LRRC3B: variants seen among roughly 807,000 people sequenced by gnomAD.
LRRC3B encodes leucine rich repeat containing 3B, also known as leucine-rich repeat-containing protein 3B.
A neutral mutation model predicts 12.8 loss-of-function variants in LRRC3B; 2 were observed. The ratio of observed to expected loss-of-function variants is 0.16; its 90% CI spans 0.06 to 0.49. LRRC3B has a LOEUF of 0.49. Among genes scored for constraint, LRRC3B ranks in the 20% least tolerant of loss-of-function variants. The probability of loss-of-function intolerance (pLI) is 0.96; values close to 1 mark genes in which losing one functional copy is unlikely to be tolerated. For missense variants in LRRC3B, 189 were observed against 319.4 expected, an observed-to-expected ratio of 0.59 and a Z score of 3.11; for synonymous variants, 132 against 122.0, an observed-to-expected ratio of 1.08 and a Z score of -0.54.
intron 1 of LRRC3B, among the ~76,000 whole-genome samples, chr3:26,671,726 C>G (rs981188564): frequency 6.6e-6 from 1 of 152,058 alleles, no homozygotes; most frequent in African/African-American, 2.4e-5. Flanking sequence ...GTGATCAACA[C>G]TAGCTCTTTT....
chr3:26,687,716 A>T (rs1348631123), intron 1 of LRRC3B, among the ~76,000 whole-genome samples: 3 of 152,204 alleles, frequency 2.0e-5, no homozygotes, highest in Non-Finnish European at 2.9e-5. Flanking sequence ...CAAGTGGTAG[A>T]ATCGATTCAT....
rs541301985 is a variant in LRRC3B at position 26,628,056 on chromosome 3, C to T, written c.-161+4819C>T. 5.9e-5 allele frequency among the ~76,000 whole-genome samples: 9 copies of T among 152,118 alleles called. No individual in the cohort carries two copies. In the South Asian group the frequency reaches 1.7e-3, roughly 28 times the overall value. ...CTCATCTTACTTATGTGGTCCAATC[C>T]CCTCTACTTATTTTACTGTGGCTGC... is the stretch of plus-strand genomic sequence containing the variant. On this transcript the variant is annotated intron_variant, in intron 1 of 1. Transcript: ENST00000396641.
chr3:26,693,036 A>G (rs1700223890), intron 1 of LRRC3B, among the ~76,000 whole-genome samples: 1 of 152,188 alleles, frequency 6.6e-6, no homozygotes, highest in African/African-American at 2.4e-5. Context: ...GCAGGGTTCT[A>G]AGATCAAGAG....
intron 1 of LRRC3B, among the ~76,000 whole-genome samples, chr3:26,689,131 C>G (rs546430442): frequency 1.3e-5 from 2 of 152,290 alleles, no homozygotes; most frequent in East Asian, 1.9e-4. Context: ...CTTATAGACT[C>G]TCAGACACTC....
intron 1 of LRRC3B, among the ~76,000 whole-genome samples, chr3:26,627,204 G>A (rs915192417): frequency 6.6e-6 from 1 of 152,168 alleles, no homozygotes; most frequent in African/African-American, 2.4e-5. Flanking sequence ...CAAAGTTCTA[G>A]TTTCCAAGAA....
chr3:26,659,198 G>A (rs540960644), intron 1 of LRRC3B, among the ~76,000 whole-genome samples: 38 of 152,204 alleles, frequency 2.5e-4, no homozygotes, highest in African/African-American at 8.2e-4. Flanking sequence ...TACTATTATT[G>A]TCTTCACTGA....
At chr3:26,645,933 G>C (rs1699134213) in intron 1 of LRRC3B, among the ~76,000 whole-genome samples, 1 of 152,098 alleles carries the variant, frequency 6.6e-6, no homozygotes, top group Admixed American at 6.6e-5. Flanking sequence ...CAAGGTCAAA[G>C]GCCTTCTGAA....
At position 26,657,766 on chromosome 3, in the gene LRRC3B, C is replaced by A. The variant is rs562663281; in HGVS notation, c.-161+34529C>A. ...CTGCATTTGACAGAGGGATGATTGT[C>A]TGGCTTGGCTTTTCATTCATTTCTG... On this transcript the variant is annotated intron_variant, in intron 1 of 1. Coordinates refer to ENST00000396641, the Ensembl canonical transcript of LRRC3B. 3.9e-5 allele frequency among the ~76,000 whole-genome samples: 6 copies of A among 152,114 alleles called. No individual in the cohort carries two copies. The South Asian group carries it at 1.2e-3, about 32-fold the overall frequency.
At chr3:26,688,096 A>C (rs558559359) in intron 1 of LRRC3B, among the ~76,000 whole-genome samples, 37 of 152,340 alleles carry the variant, frequency 2.4e-4, no homozygotes, top group Middle Eastern at 3.4e-3. Flanking sequence ...TGGAAGTTTT[A>C]TAATAACAGA....
chr3:26,639,702 T>C (rs1474009376), intron 1 of LRRC3B, among the ~76,000 whole-genome samples: 2 of 152,192 alleles, frequency 1.3e-5, no homozygotes, highest in Admixed American at 6.5e-5. Context: ...AGAAGCACCG[T>C]GTGGGCTTTA....
intron 1 of LRRC3B, among the ~76,000 whole-genome samples, chr3:26,693,529 C>A (rs1236918754): frequency 6.6e-6 from 1 of 151,976 alleles, no homozygotes; most frequent in African/African-American, 2.4e-5. Context: ...TTGCAAAAGA[C>A]CATGGATAAT....
chr3:26,690,821 A>T (rs2125448943), intron 1 of LRRC3B, among the ~76,000 whole-genome samples: 1 of 152,166 alleles, frequency 6.6e-6, no homozygotes, highest in South Asian at 2.1e-4. Context: ...TTGGTTTAAA[A>T]GGGTTGCCTA....
chr3:26,663,377 T>G (rs1699535238), intron 1 of LRRC3B, among the ~76,000 whole-genome samples: 1 of 152,132 alleles, frequency 6.6e-6, no homozygotes, highest in South Asian at 2.1e-4. Flanking sequence ...CTAGTAAACT[T>G]TTGCATATCT....
At chr3:26,634,157 G>A (rs1044017522) in intron 1 of LRRC3B, among the ~76,000 whole-genome samples, 4 of 152,226 alleles carry the variant, frequency 2.6e-5, no homozygotes, top group African/African-American at 9.6e-5. Context: ...GACCACAGGT[G>A]AGAGTTTCTT....
At chr3:26,631,256 T>G (rs562997263) in intron 1 of LRRC3B, among the ~76,000 whole-genome samples, 1 of 152,252 alleles carries the variant, frequency 6.6e-6, no homozygotes, top group African/African-American at 2.4e-5. Flanking sequence ...CTAGGTTCAC[T>G]GTAGCCTTGG....
intron 1 of LRRC3B, among the ~76,000 whole-genome samples, chr3:26,663,547 A>G (rs184931754): frequency 2.0e-5 from 3 of 152,296 alleles, no homozygotes; most frequent in African/African-American, 7.2e-5. Flanking sequence ...GCAATTCTAT[A>G]TCAGTACTAG....
intron 1 of LRRC3B, among the ~76,000 whole-genome samples, chr3:26,627,631 T>C (rs1698657497): frequency 6.6e-6 from 1 of 152,066 alleles, no homozygotes; most frequent in Admixed American, 6.6e-5. Context: ...TCCTCTTCCT[T>C]TTTTTCCTAC....
At chr3:26,681,539 C>G (rs1699970977) in intron 1 of LRRC3B, among the ~76,000 whole-genome samples, 1 of 152,128 alleles carries the variant, frequency 6.6e-6, no homozygotes, top group South Asian at 2.1e-4. Context: ...GCAAGCTTCT[C>G]TGAGACTTGA....
intron 1 of LRRC3B, among the ~76,000 whole-genome samples, chr3:26,640,068 TAA>T (rs1428713333): frequency 6.6e-6 from 1 of 152,188 alleles, no homozygotes; most frequent in African/African-American, 2.4e-5. Context: ...CCATCACTTT[TAA>T]AGCACCTCTG....
Sources: allele counts gnomAD v4.1 joint callset (sites outside exome capture counted in the v4.1 genomes callset), GRCh38; gene constraint gnomAD v4.1.1; transcripts MANE v1.5; gene names NCBI Gene and HGNC (gene_info 2026-07-23, HGNC 2026-07-21).